BTG4: variants seen among roughly 807,000 people sequenced by gnomAD.
The protein encoded by BTG4 is protein BTG4.
BTG4 carries 10 observed loss-of-function variants against 19.3 expected under a neutral mutation model. The ratio of observed to expected loss-of-function variants is 0.52; its 90% CI spans 0.32 to 0.88. The LOEUF (loss-of-function observed/expected upper bound fraction) is 0.88. BTG4 is among the 40% of genes least tolerant of loss of function. The pLI, the probability that BTG4 is intolerant of heterozygous loss-of-function variation, is 0.04. For missense variants in BTG4, 238 were observed against 281.9 expected (o/e 0.84, Z 1.11); for synonymous variants, 91 against 95.7 (o/e 0.95, Z 0.29).
the BTG4 span, among the ~76,000 whole-genome samples, chr11:111,390,596 C>T: frequency 6.6e-6 from 1 of 152,166 alleles, no homozygotes; most frequent in Non-Finnish European, 1.5e-5. Context: ...CCAGCCAATG[C>T]CCTCACAATA....
Position 111,471,933 on chromosome 11 carries a change from C to G in BTG4, c.663-4252G>C, listed in dbSNP as rs150024000. On this transcript the variant is annotated intron_variant, in intron 5 of 5. Transcript: ENST00000356018. ...CTCATCTGTTACACACACCCACAAC[C>G]AATCCATCAGGAAATCCTGTTGTTC... 3.9e-5 allele frequency among the ~76,000 whole-genome samples: 6 copies of G among 152,302 alleles called. No homozygotes were observed. In the East Asian group the frequency reaches 1.2e-3, roughly 29 times the overall value.
In BTG4 at chr11:111,500,505, C is replaced by T. The variant is rs1214978554; in HGVS notation, c.-26-1703G>A. On this transcript the variant is annotated intron_variant, in intron 1 of 4. Transcript: ENST00000692032. ...TTTTTCCTTCTGGAACTACACCAAT[C>T]GTGTCTAATGTTCCACCACATGATG... 5.9e-5 allele frequency among the ~76,000 whole-genome samples: 9 copies of T among 152,188 alleles called. No homozygotes were observed. The East Asian group carries it at 1.2e-3, about 20-fold the overall frequency.
At chr11:111,431,064 GA>G in the BTG4 span, among the ~76,000 whole-genome samples, 22,228 of 152,092 alleles carry the variant, frequency 0.15, 2,181 homozygotes, top group African/African-American at 0.28. Context: ...AGTCAGTGAC[GA>G]AAGGGTTTGA....
At chr11:111,392,302 C>A in the BTG4 span, among the ~76,000 whole-genome samples, 1 of 151,358 alleles carries the variant, frequency 6.6e-6, no homozygotes, top group Non-Finnish European at 1.5e-5. Context: ...CTCAGCCTCC[C>A]AAGTAGCTGG....
At chr11:111,460,491 C>T in the BTG4 span, 1 of 152,298 alleles carries the variant, frequency 6.6e-6, no homozygotes, top group Non-Finnish European at 1.5e-5. Flanking sequence ...CTAGATAGGG[C>T]TCCCAAGGAA....
At chr11:111,500,454 C>T (rs1011222578) in intron 1 of BTG4, among the ~76,000 whole-genome samples, 2 of 152,224 alleles carry the variant, frequency 1.3e-5, no homozygotes, top group African/African-American at 4.8e-5. Context: ...AAATCTACCT[C>T]TGATTTTCCT....
upstream of BTG4, chr11:111,513,063 G>A (rs1223072207): frequency 4.4e-6 from 2 of 450,318 alleles, no homozygotes; most frequent in East Asian, 7.3e-5. Flanking sequence ...GCCGGCTCGG[G>A]CAGCCCGCAG....
At chr11:111,513,542 G>C (rs1200165735), upstream of BTG4, 1 of 515,400 alleles carries the variant, frequency 1.9e-6, no homozygotes, top group Admixed American at 2.0e-5. Context: ...TGAGCTGCCT[G>C]TGCATCATCA....
chr11:111,395,357 G>T, the BTG4 span, among the ~76,000 whole-genome samples: 1 of 151,492 alleles, frequency 6.6e-6, no homozygotes, highest in Non-Finnish European at 1.5e-5. Flanking sequence ...TCTTCCTCCT[G>T]CTGGCAGTTC....
At chr11:111,475,954 T>G (rs986409786) in intron 5 of BTG4, among the ~76,000 whole-genome samples, 1 of 152,016 alleles carries the variant, frequency 6.6e-6, no homozygotes, top group African/African-American at 2.4e-5. Flanking sequence ...CATCAGATCT[T>G]GTGAGACTTA....
chr11:111,503,150 C>T (rs1043184125), intron 1 of BTG4, among the ~76,000 whole-genome samples: 2 of 152,196 alleles, frequency 1.3e-5, no homozygotes, highest in Non-Finnish European at 2.9e-5. Flanking sequence ...CAAGTGACTA[C>T]TTGGATGTAA....
the BTG4 span, among the ~76,000 whole-genome samples, chr11:111,446,188 G>A: frequency 0.95 from 145,378 of 152,276 alleles, 69,779 homozygotes; most frequent in East Asian, 1. Context: ...TATGTGATTG[G>A]TATGGAGCGA....
chr11:111,514,148 T>G (rs957170285), upstream of BTG4: 1 of 153,916 alleles, frequency 6.5e-6, no homozygotes, highest in African/African-American at 2.4e-5. Context: ...TATCCCTTCT[T>G]TTAAGTAATC....
At chr11:111,489,306 A>G (rs1865268940) in intron 5 of BTG4, among the ~76,000 whole-genome samples, 1 of 152,228 alleles carries the variant, frequency 6.6e-6, no homozygotes. Flanking sequence ...GGATGTGTAG[A>G]AAGGGGAACC....
chr11:111,490,854 C>T (rs1435987636), downstream of BTG4, among the ~76,000 whole-genome samples: 2 of 152,198 alleles, frequency 1.3e-5, no homozygotes, highest in East Asian at 3.8e-4. Context: ...AAGCATGCAA[C>T]TACTATATGA....
the BTG4 span, among the ~76,000 whole-genome samples, chr11:111,428,131 G>A: frequency 6.6e-5 from 10 of 152,216 alleles, no homozygotes; most frequent in Non-Finnish European, 1.2e-4. Flanking sequence ...TAAGTATGGA[G>A]ACGTCAGGAC....
At chr11:111,458,950 C>T in the BTG4 span, among the ~76,000 whole-genome samples, 190 of 152,252 alleles carry the variant, frequency 1.2e-3, 2 homozygotes, top group South Asian at 7.7e-3. Flanking sequence ...AGAGTAAAAT[C>T]GTGCATACTG....
At chr11:111,448,780 G>A in the BTG4 span, 1 of 152,420 alleles carries the variant, frequency 6.6e-6, no homozygotes, top group Non-Finnish European at 1.5e-5. Flanking sequence ...AGGTTTCCAA[G>A]TGACTTGGGG....
At chr11:111,415,318 C>T in the BTG4 span, among the ~76,000 whole-genome samples, 1 of 152,228 alleles carries the variant, frequency 6.6e-6, no homozygotes, top group Non-Finnish European at 1.5e-5. Flanking sequence ...CCTCTACAGA[C>T]CCCCTTATAT....
Sources: gnomAD v4.1 joint callset for allele counts (sites outside exome capture counted in the v4.1 genomes callset) on GRCh38, gnomAD v4.1.1 for gene constraint, MANE v1.5 for transcripts, NCBI Gene and HGNC (gene_info 2026-07-23, HGNC 2026-07-21) for gene names.